The following KCND2 variants were observed in gnomAD, a reference collection of about 807,000 sequenced individuals.
KCND2 encodes the protein A-type voltage-gated potassium channel KCND2.
Under a neutral mutation model 54.4 loss-of-function variants are expected in KCND2, and 16 were observed. That is an observed-to-expected ratio of 0.29 (90% CI 0.20 to 0.45). KCND2 has a LOEUF of 0.45. Ranked by LOEUF, KCND2 falls within the 20% of genes least tolerant of loss-of-function variation. The probability of loss-of-function intolerance (pLI) is 1.00; values close to 1 mark genes in which losing one functional copy is unlikely to be tolerated. For missense variants in KCND2, 486 were observed against 824.2 expected, an observed-to-expected ratio of 0.59 and a Z score of 5.02; for synonymous variants, 317 against 310.7, an observed-to-expected ratio of 1.02 and a Z score of -0.21.
intron 1 of KCND2, among the ~76,000 whole-genome samples, chr7:120,286,857 G>A (rs1027796078): frequency 9.2e-5 from 14 of 151,810 alleles, no homozygotes; most frequent in Admixed American, 5.9e-4. Context: ...GTTTATTGTC[G>A]AATAAACAGA....
intron 1 of KCND2, among the ~76,000 whole-genome samples, chr7:120,321,477 T>G (rs1185789619): frequency 6.6e-6 from 1 of 152,154 alleles, no homozygotes; most frequent in Non-Finnish European, 1.5e-5. Context: ...TTTAACATAA[T>G]TTGTCTAAGG....
intron 1 of KCND2, among the ~76,000 whole-genome samples, chr7:120,452,772 G>A (rs1802133933): frequency 6.6e-6 from 1 of 152,198 alleles, no homozygotes; most frequent in African/African-American, 2.4e-5. Context: ...AACGTTAGCA[G>A]TGGAGCGTGG....
chr7:120,741,260 C>T (rs926175804), intron 2 of KCND2, among the ~76,000 whole-genome samples: 2 of 151,832 alleles, frequency 1.3e-5, no homozygotes, highest in African/African-American at 4.8e-5. Flanking sequence ...TTGAAAGAAA[C>T]AATAATGAAA....
chr7:120,558,571 A>G (rs1325470079), intron 1 of KCND2, among the ~76,000 whole-genome samples: 1 of 152,196 alleles, frequency 6.6e-6, no homozygotes, highest in Non-Finnish European at 1.5e-5. Context: ...ATGTATGTGA[A>G]CAACTAATTA....
chr7:120,521,339 A>G (rs1227123827), intron 1 of KCND2, among the ~76,000 whole-genome samples: 2 of 152,092 alleles, frequency 1.3e-5, no homozygotes, highest in African/African-American at 2.4e-5. Flanking sequence ...TTTTAGGGTT[A>G]TATTACAAAT....
At chr7:120,578,063 GAAC>G (rs1318409836) in intron 1 of KCND2, among the ~76,000 whole-genome samples, 1 of 120,984 alleles carries the variant, frequency 8.3e-6, no homozygotes, top group African/African-American at 3.3e-5. Context: ...AGAAGAAGAA[GAAC>G]AAGAAGGAGA....
At chr7:120,315,765 A>AGTGT (rs59537613) in intron 1 of KCND2, among the ~76,000 whole-genome samples, 96 of 137,598 alleles carry the variant, frequency 7.0e-4, no homozygotes, top group African/African-American at 2.2e-3. Flanking sequence ...TTCCATAAGC[A>AGTGT]GTGTGTGTGT....
Position 120,750,015 on chromosome 7 carries a change from A to G in KCND2, c.*2157A>G, listed in dbSNP as rs1356980863. 6.6e-6 allele frequency: 1 copy of G among 151,916 alleles called. No individual in the cohort carries two copies. Among genetic ancestry groups the G allele is most frequent in the Admixed American group, 6.6e-5 (1 of 15,226 alleles). 9.4% of individuals were successfully genotyped at this position (151,916 alleles called of 1,614,324 possible). ...ATTGACAATTCTGCCTCCTCTTTTG[A>G]TTTATCACTTACCCAAAATTATTAA... On this transcript the variant is annotated 3_prime_UTR_variant, in exon 6 of 6. Coordinates refer to ENST00000331113, the MANE Select transcript of KCND2 (RefSeq NM_012281.3).
intron 1 of KCND2, among the ~76,000 whole-genome samples, chr7:120,336,018 CA>C (rs1158865658): frequency 1.3e-5 from 2 of 152,026 alleles, no homozygotes; most frequent in Non-Finnish European, 1.5e-5. Flanking sequence ...CATTCTAATG[CA>C]AAAACTCAAA....
At chr7:120,453,104 G>A (rs1394239319) in intron 1 of KCND2, among the ~76,000 whole-genome samples, 4 of 152,100 alleles carry the variant, frequency 2.6e-5, no homozygotes, top group South Asian at 2.1e-4. Flanking sequence ...TCTCTCTATT[G>A]CAGCCTGCAC....
intron 1 of KCND2, among the ~76,000 whole-genome samples, chr7:120,696,955 A>G (rs1237363938): frequency 2.6e-5 from 4 of 152,242 alleles, no homozygotes; most frequent in Non-Finnish European, 4.4e-5. Context: ...AAATCTAATT[A>G]AATATTTTAA....
chr7:120,278,557 T>A (rs758828856), intron 1 of KCND2, among the ~76,000 whole-genome samples: 1 of 151,410 alleles, frequency 6.6e-6, no homozygotes, highest in Non-Finnish European at 1.5e-5. Context: ...CCAAGAGCTT[T>A]GTCATTCAGG....
chr7:120,455,413 A>G lies in KCND2; in HGVS notation c.1115+179666A>G, dbSNP rs10953914. Among the ~76,000 whole-genome samples the G allele has an allele frequency of 2.6e-5, 4 of 152,068 alleles. No individual in the cohort carries two copies. In the South Asian group the frequency reaches 8.3e-4, roughly 31 times the overall value. ...TGTAAATTAGTTCAGCTATAGTGGA[A>G]GGCAGTGTGGCAGTTTCTCAGGGAA... On this transcript the variant is annotated intron_variant, in intron 1 of 5. Coordinates refer to ENST00000331113, the MANE Select transcript of KCND2 (RefSeq NM_012281.3).
rs759182499 is a variant in KCND2 at position 120,275,695 on chromosome 7, A to G, written c.1063A>G (p.Thr355Ala). Reference sequence around the variant, plus strand: ...GAAGGGGTCTTCGGCTAGCAAGTTCACCAGCATCCCTGCAGCCTTCTGGTA... The same window carrying G: ...GAAGGGGTCTTCGGCTAGCAAGTTCGCCAGCATCCCTGCAGCCTTCTGGTA... ...AEKGSSASKF[T>A]SIPAAFWYTI... The change falls in exon 1 of 6, where the codon ACC (threonine) becomes GCC (alanine). Residue 355 changes from threonine to alanine, a missense_variant. Physicochemically the swap from Thr to Ala is moderately conservative, Grantham distance 58. Transcript: ENST00000331113. The G allele has an allele frequency of 1.2e-6, 2 of 1,601,622 alleles. No homozygotes were observed. The highest frequency in any genetic ancestry group is 8.5e-7 in the Non-Finnish European group (1 of 1,179,944).
At chr7:120,424,221 A>G (rs1408572381) in intron 1 of KCND2, among the ~76,000 whole-genome samples, 1 of 152,200 alleles carries the variant, frequency 6.6e-6, no homozygotes, top group Non-Finnish European at 1.5e-5. Flanking sequence ...TTGACATTCA[A>G]GTCTCAACAC....
chr7:120,623,438 GC>G (rs913690830), intron 1 of KCND2, among the ~76,000 whole-genome samples: 7 of 152,234 alleles, frequency 4.6e-5, no homozygotes, highest in African/African-American at 1.7e-4. Flanking sequence ...CTGTATGAAG[GC>G]AAGTGTTATG....
intron 1 of KCND2, among the ~76,000 whole-genome samples, chr7:120,616,383 G>C (rs1323728002): frequency 6.6e-6 from 1 of 151,992 alleles, no homozygotes; most frequent in Admixed American, 6.6e-5. Context: ...TTCTATATAG[G>C]GCTAACCATA....
At chr7:120,311,033 A>G (rs370231767) in intron 1 of KCND2, among the ~76,000 whole-genome samples, 3 of 152,046 alleles carry the variant, frequency 2.0e-5, no homozygotes, top group East Asian at 3.8e-4. Context: ...ATATACATGT[A>G]TATGTGTGTA....
intron 1 of KCND2, among the ~76,000 whole-genome samples, chr7:120,498,106 A>T (rs1446141239): frequency 6.6e-6 from 1 of 152,214 alleles, no homozygotes; most frequent in Non-Finnish European, 1.5e-5. Flanking sequence ...TAACACTTCT[A>T]TTGAAATAGG....
Sources: gnomAD v4.1 joint callset for allele counts (sites outside exome capture counted in the v4.1 genomes callset) on GRCh38, gnomAD v4.1.1 for gene constraint, MANE v1.5 for transcripts, NCBI Gene and HGNC (gene_info 2026-07-23, HGNC 2026-07-21) for gene names.